NEB: variants seen among roughly 807,000 people sequenced by gnomAD.
The protein encoded by NEB is nemaline myopathy type 2.
Under a neutral mutation model 952.2 loss-of-function variants are expected in NEB, and 512 were observed. The observed-to-expected ratio is 0.54, with a 90% CI of 0.50 to 0.58. The LOEUF (loss-of-function observed/expected upper bound fraction) is 0.58, where lower values mean the gene tolerates loss of function less well. Ranked by LOEUF, NEB falls within the 20% of genes least tolerant of loss-of-function variation. The pLI is 0.00. For missense variants in NEB, 8,428 were observed against 9,231.1 expected (o/e 0.91, Z 3.56); for synonymous variants, 2,900 against 3,149.8 (o/e 0.92, Z 2.66).
chr2:151,522,909 G>A (rs1261575293), intron 153 of NEB, among the ~76,000 whole-genome samples: 1 of 152,106 alleles, frequency 6.6e-6, no homozygotes, highest in African/African-American at 2.4e-5. Context: ...TTGGGCCCAG[G>A]GCCACACCAT....
intron 38 of NEB, among the ~76,000 whole-genome samples, chr2:151,669,401 T>C (rs1276620675): frequency 6.6e-6 from 1 of 152,096 alleles, no homozygotes; most frequent in Non-Finnish European, 1.5e-5. Context: ...GAGCTTACTG[T>C]CCAATAGAAA....
intron 92 of NEB, among the ~76,000 whole-genome samples, chr2:151,595,096 G>T (rs2097386943): frequency 2.8e-5 from 3 of 108,560 alleles, no homozygotes; most frequent in Non-Finnish European, 5.5e-5. Context: ...ACGTGGACTA[G>T]CTATGGTTAT....
chr2:151,540,611 G>A (rs144632631), intron 137 of NEB, 86 bp downstream of exon 137: 1 of 1,245,572 alleles, frequency 8.0e-7, no homozygotes, highest in Non-Finnish European at 1.2e-6. Flanking sequence ...ATAGTAATGA[G>A]CTCTCTGATC....
At chr2:151,666,611 G>A (rs2099221253) in intron 40 of NEB, among the ~76,000 whole-genome samples, 1 of 151,902 alleles carries the variant, frequency 6.6e-6, no homozygotes, top group African/African-American at 2.4e-5. Flanking sequence ...ATGGAATAAT[G>A]GAATAGTTTA....
chr2:151,569,243 ATG>A (rs1560047899), intron 110 of NEB, 23 bp downstream of exon 110: 10 of 1,585,094 alleles, frequency 6.3e-6, no homozygotes, highest in Non-Finnish European at 7.8e-6. Context: ...AATGTACTGA[ATG>A]TCAGGGTAAA....
At chr2:151,659,290 ATTAAT>A (rs1446659254) in intron 46 of NEB, 121 bp from the exon 47 acceptor site, 8 of 560,716 alleles carry the variant, frequency 1.4e-5, no homozygotes, top group East Asian at 3.3e-5. Context: ...GTTTAAATTA[ATTAAT>A]TTATTTATTT....
intron 44 of NEB, 43 bp from the exon 45 acceptor site, chr2:151,663,902 A>G: frequency 1.9e-6 from 3 of 1,556,130 alleles, no homozygotes; most frequent in Non-Finnish European, 2.6e-6. Flanking sequence ...ATGGTAAAAG[A>G]GAACAAAGTA....
intron 156 of NEB, among the ~76,000 whole-genome samples, 176 bp downstream of exon 156, chr2:151,518,142 T>C (rs2079229660): frequency 6.6e-6 from 1 of 152,204 alleles, no homozygotes. Flanking sequence ...CTCAACTATA[T>C]GTAGATGTTG....
chr2:151,676,259 G>A (rs968692381), intron 34 of NEB, among the ~76,000 whole-genome samples: 1 of 152,118 alleles, frequency 6.6e-6, no homozygotes, highest in Non-Finnish European at 1.5e-5. Flanking sequence ...TTGCCTTTAA[G>A]AACAATATCT....
intron 107 of NEB, among the ~76,000 whole-genome samples, chr2:151,574,609 C>G (rs1056321026): frequency 6.6e-6 from 1 of 152,150 alleles, no homozygotes; most frequent in African/African-American, 2.4e-5. Flanking sequence ...CTATGGGGCC[C>G]TCTTGGCATT....
Position 151,669,695 on chromosome 2 carries a change from C to G in NEB, c.4507-564G>C, listed in dbSNP as rs1030084020. 9.2e-5 allele frequency among the ~76,000 whole-genome samples: 14 copies of G among 152,014 alleles called. 1 individual carries two copies. Among genetic ancestry groups the G allele is most frequent in the Admixed American group, 4.6e-4 (7 of 15,276 alleles). On this transcript the variant is annotated intron_variant, in intron 38 of 181. Transcript: ENST00000397345. ...GTATTAGACAGAAGGTGCAGAAGGG[C>G]CACAGAGAAGAGGGTCTTTTGTCAA...
At position 151,640,633 on chromosome 2, in the gene NEB, C is replaced by A. The variant is rs752431957; in HGVS notation, c.8407G>T (p.Gly2803Cys). 21 of 1,613,208 alleles carry A rather than the reference C, an allele frequency of 1.3e-5. No individual in the cohort carries two copies. The African/African-American group carries it at 2.8e-4, about 22-fold the overall frequency. The change falls in exon 61 of 182, where the codon GGC (glycine) becomes TGC (cysteine). Residue 2803 changes from glycine to cysteine, a missense_variant. By Grantham distance (159) the Gly-to-Cys change is radical (BLOSUM62 -3). Transcript: ENST00000397345. ...KYKEGYRKQL[G>C]HHIGARAIRD... ...ATAGCTCGGGCACCAATGTGGTGGC[C>A]GAGCTGCTTACGATAGCCTTCTTTG...
At chr2:151,550,563 C>T (rs2095257043) in intron 129 of NEB, among the ~76,000 whole-genome samples, 1 of 152,162 alleles carries the variant, frequency 6.6e-6, no homozygotes. Context: ...GGAGGAGTGT[C>T]TGTCTGTGAT....
In NEB at chr2:151,730,255, G is replaced by T. The variant is rs147488015; in HGVS notation, c.37-599C>A. ...TAGTGTGATTGTCCTAAACAGAGTG[G>T]TGCTAATATGAAAACTGGTAAATGC... On this transcript the variant is annotated intron_variant, in intron 3 of 181. Coordinates refer to ENST00000397345, the MANE Select transcript of NEB (RefSeq NM_001164508.2). Among the ~76,000 whole-genome samples the T allele has an allele frequency of 5.3e-5, 8 of 152,276 alleles. No individual in the cohort carries two copies. The East Asian group carries it at 1.2e-3, about 22-fold the overall frequency.
chr2:151,631,286 T>C lies in NEB; in HGVS notation c.9475A>G (p.Met3159Val), dbSNP rs1258069216. 12 of 1,613,836 alleles carry C rather than the reference T, an allele frequency of 7.4e-6. No homozygotes were observed. In the Middle Eastern group the frequency reaches 4.9e-4, roughly 67 times the overall value. The part of the protein sequence containing the change: ...RGIGWVPIGS[M>V]DVVKCKRATE... ...GCTCTCTTGCACTTGACCACATCCA[T>C]AGACCCAATGGGGACCCAGCCAATG... is the stretch of plus-strand genomic sequence containing the variant. The change falls in exon 66 of 182, where the codon ATG (methionine) becomes GTG (valine). Residue 3159 changes from methionine to valine, a missense_variant. Physicochemically the swap from Met to Val is conservative, Grantham distance 21 (BLOSUM62 1). Transcript: ENST00000397345.
At chr2:151,651,308 C>T (rs992473424) in intron 52 of NEB, among the ~76,000 whole-genome samples, 1 of 152,162 alleles carries the variant, frequency 6.6e-6, no homozygotes, top group Non-Finnish European at 1.5e-5. Flanking sequence ...ATTGTGTATT[C>T]TGACTTTGGG....
At chr2:151,661,350 T>C (rs1316804279) in intron 46 of NEB, among the ~76,000 whole-genome samples, 3 of 152,214 alleles carry the variant, frequency 2.0e-5, no homozygotes, top group African/African-American at 7.2e-5. Context: ...ATCATTCAAT[T>C]CTCTGAAGAC....
chr2:151,642,995 C>A, intron 58 of NEB, 126 bp from the exon 59 acceptor site: 2 of 1,146,516 alleles, frequency 1.7e-6, no homozygotes, highest in Admixed American at 2.6e-5. Flanking sequence ...ATTTTCAGGT[C>A]TAAATGTCTT....
chr2:151,527,599 G>C lies in NEB; in HGVS notation c.21736-14C>G. 6.3e-7 allele frequency: 1 copy of C among 1,589,564 alleles called. No individual in the cohort carries two copies. The highest frequency in any genetic ancestry group is 1.3e-5 in the African/African-American group (1 of 74,588). On this transcript the variant is annotated splice_polypyrimidine_tract_variant and intron_variant, in intron 146 of 181. Coordinates refer to ENST00000397345, the MANE Select transcript of NEB (RefSeq NM_001164508.2). ...CTTATAGTCCAGCTGTTTTTAACAG[G>C]AGAGAAAGGAATCACTTGATTCAGT...
Sources: gnomAD v4.1 joint callset for allele counts (sites outside exome capture counted in the v4.1 genomes callset) on GRCh38, gnomAD v4.1.1 for gene constraint, MANE v1.5 for transcripts, NCBI Gene and HGNC (gene_info 2026-07-23, HGNC 2026-07-21) for gene names.